The following ZGRF1 variants were observed in gnomAD, a reference collection of about 807,000 sequenced individuals.
The protein encoded by ZGRF1 is zinc finger GRF-type containing 1, also known as 5'-3' DNA helicase ZGRF1.
In ZGRF1, 196 loss-of-function variants were observed where a neutral mutation model predicts 203.5. The ratio of observed to expected loss-of-function variants is 0.96; its 90% CI spans 0.86 to 1.08. ZGRF1 has a LOEUF of 1.08. Among genes scored for constraint, ZGRF1 ranks in the 50% least tolerant of loss-of-function variants. The probability of loss-of-function intolerance (pLI) is 0.00; values close to 1 mark genes in which losing one functional copy is unlikely to be tolerated. For missense variants in ZGRF1, 2,326 were observed against 2,416.3 expected, an observed-to-expected ratio of 0.96 and a Z score of 0.78; for synonymous variants, 809 against 841.3, an observed-to-expected ratio of 0.96 and a Z score of 0.66.
chr4:112,620,939 G>C (rs567675365), intron 4 of ZGRF1, among the ~76,000 whole-genome samples: 48 of 152,154 alleles, frequency 3.2e-4, no homozygotes, highest in African/African-American at 1.1e-3. Flanking sequence ...GGCTGAGGTG[G>C]AAGGATCCCT....
chr4:112,623,778 A>T, intron 4 of ZGRF1, 39 bp downstream of exon 4: 1 of 1,057,714 alleles, frequency 9.5e-7, no homozygotes, highest in Non-Finnish European at 1.4e-6. Context: ...AGAGATTTTT[A>T]AATAATAACT....
At chr4:112,633,548 G>A (rs1224442307) in intron 1 of ZGRF1, among the ~76,000 whole-genome samples, 1 of 152,150 alleles carries the variant, frequency 6.6e-6, no homozygotes, top group Admixed American at 6.5e-5. Flanking sequence ...CCACATGTTT[G>A]GTTCCCTATA....
At chr4:112,604,680 AC>A (rs1750508464) in intron 9 of ZGRF1, among the ~76,000 whole-genome samples, 1 of 152,180 alleles carries the variant, frequency 6.6e-6, no homozygotes, top group Non-Finnish European at 1.5e-5. Flanking sequence ...GTGATATCCT[AC>A]TGCTCTGAGA....
chr4:112,561,275 GT>G, intron 18 of ZGRF1: 1 of 330,920 alleles, frequency 3.0e-6, no homozygotes, highest in Non-Finnish European at 5.3e-6. Flanking sequence ...CTAGGAAATA[GT>G]TAGTTAATTA....
Position 112,563,132 on chromosome 4 carries a change from G to A in ZGRF1, c.4581C>T (p.Asn1527=), listed in dbSNP as rs1372673082. 1.3e-6 allele frequency: 2 copies of A among 1,547,088 alleles called. No homozygotes were observed. The highest frequency in any genetic ancestry group is 1.7e-6 in the Non-Finnish European group (2 of 1,143,848). Residue 1527 remains asparagine, a splice_region_variant and synonymous_variant, in exon 17 of 28, where the codon AAC becomes AAT. Coordinates refer to ENST00000505019, the MANE Select transcript of ZGRF1 (RefSeq NM_018392.5). ...TAAAATGAGCATAGTAATACTCACTGTTAGTGGGCCAATTAGAAGGGAAAT... is the reference window on the plus strand; with the variant it reads ...TAAAATGAGCATAGTAATACTCACTATTAGTGGGCCAATTAGAAGGGAAAT... ...KGYFPSNWPT[N]MVVHALLVCN...
intron 3 of ZGRF1, among the ~76,000 whole-genome samples, chr4:112,630,760 G>A (rs1250740806): frequency 6.6e-6 from 1 of 151,930 alleles, no homozygotes; most frequent in African/African-American, 2.4e-5. Flanking sequence ...GCGTGGTGGT[G>A]GCACCTGTAG....
intron 7 of ZGRF1, 85 bp downstream of exon 7, chr4:112,612,439 G>T (rs924424368): frequency 2.6e-5 from 22 of 857,324 alleles, no homozygotes; most frequent in Non-Finnish European, 3.9e-5. Flanking sequence ...GATAGCTTGG[G>T]ACTGTATTAC....
intron 17 of ZGRF1, 51 bp downstream of exon 17, chr4:112,563,080 T>G: frequency 4.1e-6 from 6 of 1,448,566 alleles, no homozygotes; most frequent in Non-Finnish European, 5.6e-6. Flanking sequence ...GTGCATCTTA[T>G]GTCTATCATT....
chr4:112,568,261 T>C (rs1401551824), intron 16 of ZGRF1, among the ~76,000 whole-genome samples: 1 of 151,946 alleles, frequency 6.6e-6, no homozygotes, highest in Non-Finnish European at 1.5e-5. Flanking sequence ...AAAAAGATGA[T>C]GAACTTTAGA....
At chr4:112,613,304 A>C (rs2046756063) in intron 6 of ZGRF1, among the ~76,000 whole-genome samples, 1 of 152,144 alleles carries the variant, frequency 6.6e-6, no homozygotes, top group Admixed American at 6.6e-5. Context: ...ACAAAAGAAA[A>C]AAAAACAGCA....
At chr4:112,597,547 GTAA>G (rs1344388183) in intron 10 of ZGRF1, among the ~76,000 whole-genome samples, 2 of 151,616 alleles carry the variant, frequency 1.3e-5, no homozygotes, top group Non-Finnish European at 2.9e-5. Flanking sequence ...AATAGTAATA[GTAA>G]TAATAATTCT....
At chr4:112,615,879 C>T (rs895675114) in intron 6 of ZGRF1, among the ~76,000 whole-genome samples, 11 of 151,946 alleles carry the variant, frequency 7.2e-5, no homozygotes, top group Admixed American at 2.0e-4. Flanking sequence ...AGGTGATCCA[C>T]CCGCCTCTGC....
At chr4:112,550,450 T>C (rs1243752040) in intron 22 of ZGRF1, among the ~76,000 whole-genome samples, 1 of 152,196 alleles carries the variant, frequency 6.6e-6, no homozygotes, top group Non-Finnish European at 1.5e-5. Flanking sequence ...TTTAAAAATT[T>C]TCAACTTTAT....
chr4:112,548,770 A>G (rs1278497388), intron 22 of ZGRF1, among the ~76,000 whole-genome samples: 1 of 151,926 alleles, frequency 6.6e-6, no homozygotes, highest in Admixed American at 6.6e-5. Flanking sequence ...TAAATATGCT[A>G]ACGAAATATT....
Position 112,585,682 on chromosome 4 carries a change from C to G in ZGRF1, c.3960G>C (p.Gln1320His), listed in dbSNP as rs1432799364. 3 of 1,602,982 alleles carry G rather than the reference C, an allele frequency of 1.9e-6. No individual in the cohort carries two copies. In the South Asian group the frequency reaches 3.3e-5, roughly 18 times the overall value. ...ILLFGLAQNL[Q>H]KALSKVDISF... ...ATATGTCAACTTTTGAAAGAGCTTT[C>G]TGCAGGTTTTGTGCTAACCCAAACA... The change falls in exon 14 of 28, where the codon CAG becomes CAC. Residue 1320 changes from glutamine (Q) to histidine (H), a missense_variant. Coordinates refer to ENST00000505019, the MANE Select transcript of ZGRF1 (RefSeq NM_018392.5).
intron 4 of ZGRF1, among the ~76,000 whole-genome samples, chr4:112,620,746 C>T (rs1370752703): frequency 2.7e-5 from 4 of 150,118 alleles, no homozygotes; most frequent in African/African-American, 9.8e-5. Context: ...ACCTATAGTC[C>T]CAGCTATTTG....
intron 19 of ZGRF1, 67 bp downstream of exon 19, chr4:112,560,666 A>T: frequency 7.7e-7 from 1 of 1,299,294 alleles, no homozygotes. Flanking sequence ...ATTATAAAGG[A>T]GCAGACTGAG....
intron 22 of ZGRF1, among the ~76,000 whole-genome samples, chr4:112,549,006 T>C (rs1362923284): frequency 1.4e-5 from 1 of 72,902 alleles, no homozygotes; most frequent in Non-Finnish European, 2.6e-5. Context: ...CCCAGCTACT[T>C]GGGAGGCTGA....
chr4:112,555,536 TCA>T lies in ZGRF1; in HGVS notation c.5121-756_5121-755del, dbSNP rs569443844. On this transcript the variant is annotated intron_variant, in intron 20 of 27. Transcript: ENST00000505019. ...GAAAAGATTTCGATTTTCACATTTT[TCA>T]CAGTCTTCACCCTGAAGAATAATAG... is the stretch of plus-strand genomic sequence containing the variant. 2.5e-3 allele frequency among the ~76,000 whole-genome samples: 385 copies of T among 152,328 alleles called. 1 individual carries two copies. The highest frequency in any genetic ancestry group is 4.4e-3 in the Non-Finnish European group (298 of 68,028).
Sources: allele counts gnomAD v4.1 joint callset (sites outside exome capture counted in the v4.1 genomes callset), GRCh38; gene constraint gnomAD v4.1.1; transcripts MANE v1.5; gene names NCBI Gene and HGNC (gene_info 2026-07-23, HGNC 2026-07-21).